USP24: variants seen among roughly 807,000 people sequenced by gnomAD.
USP24 encodes the protein ubiquitin carboxyl-terminal hydrolase 24.
In USP24, 97 loss-of-function variants were observed where a neutral mutation model predicts 361.6. The ratio of observed to expected loss-of-function variants is 0.27; its 90% CI spans 0.23 to 0.32. The LOEUF (loss-of-function observed/expected upper bound fraction) is 0.32. Among genes scored for constraint, USP24 ranks in the 10% least tolerant of loss-of-function variants. USP24 has a pLI of 1.00. For missense variants in USP24, 2,353 were observed against 3,165.6 expected (o/e 0.74, Z 6.16); for synonymous variants, 1,098 against 1,124.6 (o/e 0.98, Z 0.47).
In USP24 at chr1:55,097,719, T is replaced by TAAAGAAAAAA; in HGVS notation, c.5596-12_5596-3dup. 6 of 1,520,414 alleles carry TAAAGAAAAAA rather than the reference T, an allele frequency of 3.9e-6. No homozygotes were observed. The highest frequency in any genetic ancestry group is 5.3e-6 in the Non-Finnish European group (6 of 1,139,466). The allele number at this position is 1,520,414 out of a possible 1,614,324, so 94.2% of individuals were successfully genotyped here. On this transcript the variant is annotated splice_polypyrimidine_tract_variant and splice_region_variant and intron_variant, in intron 47 of 67. Coordinates refer to ENST00000294383, the MANE Select transcript of USP24 (RefSeq NM_015306.3). ...ACAGGTCCTTTTCACTGTTATTCTCTAAAGAAAAAAAAAAGGAAAAAGAGC... is the reference window on the plus strand; with the variant it reads ...ACAGGTCCTTTTCACTGTTATTCTCTAAAGAAAAAAAAAGAAAAAAAAAAGGAAAAAGAGC...
At chr1:55,132,964 T>A (rs980983059) in intron 30 of USP24, among the ~76,000 whole-genome samples, 14 of 152,252 alleles carry the variant, frequency 9.2e-5, no homozygotes, top group Non-Finnish European at 2.1e-4. Context: ...CCTGAGAAGG[T>A]CATTTTAATT....
At chr1:55,205,956 A>G (rs1644692442) in intron 1 of USP24, among the ~76,000 whole-genome samples, 1 of 152,220 alleles carries the variant, frequency 6.6e-6, no homozygotes. Context: ...TAAGCATTTT[A>G]GATCTAGTCT....
At chr1:55,080,200 A>G (rs1198683429) in intron 59 of USP24, among the ~76,000 whole-genome samples, 1 of 152,194 alleles carries the variant, frequency 6.6e-6, no homozygotes, top group African/African-American at 2.4e-5. Flanking sequence ...ACCAGAATGC[A>G]TACTTTAATT....
At chr1:55,204,529 T>C (rs998710424) in intron 1 of USP24, among the ~76,000 whole-genome samples, 2 of 151,832 alleles carry the variant, frequency 1.3e-5, no homozygotes, top group Non-Finnish European at 2.9e-5. Flanking sequence ...ATGGATCAAA[T>C]TACATCACAA....
chr1:55,120,778 C>G, intron 37 of USP24, 22 bp from the exon 38 acceptor site: 1 of 1,546,514 alleles, frequency 6.5e-7, no homozygotes, highest in Non-Finnish European at 8.7e-7. Context: ...TGATCAGCAG[C>G]AAAGGACAGA....
chr1:55,161,453 A>T (rs1360545113), intron 8 of USP24, among the ~76,000 whole-genome samples: 1 of 152,054 alleles, frequency 6.6e-6, no homozygotes, highest in African/African-American at 2.4e-5. Context: ...TATCTCCCTT[A>T]TTAAAATGGC....
intron 1 of USP24, among the ~76,000 whole-genome samples, chr1:55,185,345 AAAGC>A (rs1644099109): frequency 6.6e-6 from 1 of 151,962 alleles, no homozygotes; most frequent in African/African-American, 2.4e-5. Context: ...AGAAACATGA[AAAGC>A]AAGAATAAAC....
intron 54 of USP24, among the ~76,000 whole-genome samples, chr1:55,090,003 T>C (rs1645340026): frequency 6.6e-6 from 1 of 152,202 alleles, no homozygotes; most frequent in Non-Finnish European, 1.5e-5. Flanking sequence ...TAAAGAAGCT[T>C]AAGTCTTAGA....
chr1:55,193,112 A>T (rs954486111), intron 1 of USP24, among the ~76,000 whole-genome samples: 1 of 152,190 alleles, frequency 6.6e-6, no homozygotes, highest in Non-Finnish European at 1.5e-5. Flanking sequence ...TACATTTTGT[A>T]ATTTACATTA....
intron 39 of USP24, 65 bp from the exon 40 acceptor site, chr1:55,107,495 T>G (rs1645808339): frequency 6.9e-7 from 1 of 1,446,872 alleles, no homozygotes; most frequent in African/African-American, 1.4e-5. Context: ...GTCAAAGTCC[T>G]GAATTAAAGT....
chr1:55,168,986 C>T (rs960825579), intron 5 of USP24, among the ~76,000 whole-genome samples: 1 of 152,068 alleles, frequency 6.6e-6, no homozygotes, highest in Non-Finnish European at 1.5e-5. Context: ...TTTCCATACA[C>T]CTACATACAT....
At chr1:55,192,856 T>C (rs952947457) in intron 1 of USP24, among the ~76,000 whole-genome samples, 5 of 152,214 alleles carry the variant, frequency 3.3e-5, no homozygotes, top group Admixed American at 6.5e-5. Flanking sequence ...CTGGAATGCA[T>C]CTTCATTCCA....
chr1:55,120,848 T>C, intron 37 of USP24, 92 bp from the exon 38 acceptor site: 2 of 1,401,674 alleles, frequency 1.4e-6, no homozygotes, highest in Non-Finnish European at 9.4e-7. Context: ...CCAGCCTATT[T>C]AGTCAATCAA....
rs538087335 is a variant in USP24, at chr1:55,079,624, T to C, written c.7114A>G (p.Ile2372Val). The change falls in exon 60 of 68, where the codon ATT becomes GTT. Residue 2372 changes from isoleucine (I) to valine (V), a missense_variant. Ile to Val is a conservative substitution (Grantham distance 29). Around this residue, in one of 8 missense-constraint regions of USP24, gnomAD observed 598 missense variants for 761.9 expected, o/e 0.78. Coordinates refer to ENST00000294383, the MANE Select transcript of USP24 (RefSeq NM_015306.3). ...GGCAACAGAGGGCTTGAGGGAGCAA[T>C]GCTAATGGGTGGTCGTTGCTTAAAT... ...GIFKQRPPIS[I>V]APSSPLLPLH... 1.3e-6 allele frequency: 2 copies of C among 1,543,840 alleles called. No individual in the cohort carries two copies. Among genetic ancestry groups the C allele is most frequent in the Non-Finnish European group, 1.7e-6 (2 of 1,156,594 alleles).
chr1:55,168,880 A>G (rs373970499), intron 5 of USP24, among the ~76,000 whole-genome samples: 3 of 152,186 alleles, frequency 2.0e-5, no homozygotes, highest in African/African-American at 7.2e-5. Flanking sequence ...TGGAAGAAAG[A>G]ACTTTCAACT....
chr1:55,213,128 A>T (rs1266941209), intron 1 of USP24, among the ~76,000 whole-genome samples: 2 of 152,240 alleles, frequency 1.3e-5, no homozygotes, highest in African/African-American at 4.8e-5. Flanking sequence ...ACACCTTCTG[A>T]AAAAGCAACG....
intron 36 of USP24, among the ~76,000 whole-genome samples, chr1:55,121,863 CATT>C (rs1256564539): frequency 6.6e-6 from 1 of 152,174 alleles, no homozygotes; most frequent in African/African-American, 2.4e-5. Context: ...GGGAAGTTAT[CATT>C]TTTTCATCTT....
At position 55,125,551 on chromosome 1, in the gene USP24, T is replaced by C. The variant is rs754786215; in HGVS notation, c.3732-3A>G. 32 of 1,610,296 alleles carry C rather than the reference T, an allele frequency of 2.0e-5. No homozygotes were observed. Among genetic ancestry groups the C allele is most frequent in the Non-Finnish European group, 2.0e-5 (24 of 1,177,778 alleles). The stretch of plus-strand genomic sequence containing the variant: ...TTGTTTGTCCGACAAGTAAAAATCT[T>C]AAAAAGAAACAGCTAGACTTATTCT... On this transcript the variant is annotated splice_polypyrimidine_tract_variant and splice_region_variant and intron_variant, in intron 33 of 67. Transcript: ENST00000294383.
intron 38 of USP24, among the ~76,000 whole-genome samples, chr1:55,111,505 CAAAT>C (rs1240686308): frequency 1.3e-5 from 2 of 151,944 alleles, no homozygotes; most frequent in African/African-American, 4.8e-5. Flanking sequence ...ATTGGTCTTT[CAAAT>C]AAAAAGTTCA....
Sources: allele counts gnomAD v4.1 joint callset (sites outside exome capture counted in the v4.1 genomes callset), GRCh38; gene constraint gnomAD v4.1.1; regional missense constraint gnomAD v4.1.1; transcripts MANE v1.5; gene names NCBI Gene and HGNC (gene_info 2026-07-23, HGNC 2026-07-21).